SHCBP1L: variants seen among roughly 807,000 people sequenced by gnomAD.
SHCBP1L encodes the protein testicular spindle-associated protein SHCBP1L.
SHCBP1L carries 67 observed loss-of-function variants against 62.5 expected under a neutral mutation model. The observed-to-expected ratio is 1.07, with a 90% CI of 0.88 to 1.31. SHCBP1L has a LOEUF of 1.31. SHCBP1L is among the 40% of genes most tolerant of loss of function. SHCBP1L has a pLI of 0.00. For missense variants in SHCBP1L, 823 were observed against 809.8 expected, an observed-to-expected ratio of 1.02 and a Z score of -0.20; for synonymous variants, 284 against 289.4, an observed-to-expected ratio of 0.98 and a Z score of 0.19.
At chr1:182,905,015 G>A (rs562517031) in intron 7 of SHCBP1L, among the ~76,000 whole-genome samples, 1 of 152,296 alleles carries the variant, frequency 6.6e-6, no homozygotes, top group South Asian at 2.1e-4. Flanking sequence ...CCAAAGTGCT[G>A]GGATTACAGG....
rs201105717 is a variant in SHCBP1L, at chr1:182,939,545, T to A, written c.779A>T (p.Tyr260Phe). The change falls in exon 4 of 10, where the codon TAT becomes TTT. Residue 260 changes from tyrosine (Y) to phenylalanine (F), a missense_variant. By Grantham distance (22) the Tyr-to-Phe change is conservative. Coordinates refer to ENST00000367547, the MANE Select transcript of SHCBP1L (RefSeq NM_030933.4). Reference protein sequence around the residue: ...ALALEVVRFFYDFLWRDWDDE... With the variant: ...ALALEVVRFFFDFLWRDWDDE... ...ATCCCAGTCTCTCCAAAGAAAGTCA[T>A]AAAAAAACCTACGATAAACCAAATT... 3.1e-6 allele frequency: 5 copies of A among 1,599,728 alleles called. No individual in the cohort carries two copies. The highest frequency in any genetic ancestry group is 3.4e-6 in the Non-Finnish European group (4 of 1,174,442).
Position 182,953,023 on chromosome 1 carries a change from C to G in SHCBP1L, c.111G>C (p.Ala37=), listed in dbSNP as rs1369952927. 6.5e-6 allele frequency: 10 copies of G among 1,541,864 alleles called. No individual in the cohort carries two copies. In the Admixed American group the frequency reaches 1.9e-4, roughly 30 times the overall value. The change falls in exon 1 of 10, where the codon GCG becomes GCC. Residue 37 remains alanine (A), a synonymous_variant. Transcript: ENST00000367547. ...ASAVSGDTAA[A]TTLKGTAIPV... ...GGATCGCGGTGCCCTTCAGGGTGGT[C>G]GCGGCCGCCGTGTCCCCGGAGACAG...
At chr1:182,902,795 G>GA (rs988682257) in intron 9 of SHCBP1L, among the ~76,000 whole-genome samples, 4 of 152,076 alleles carry the variant, frequency 2.6e-5, no homozygotes, top group African/African-American at 9.7e-5. Flanking sequence ...GTCTTTAAGA[G>GA]AAAAATCTAT....
At chr1:182,933,388 G>A (rs752514050) in intron 5 of SHCBP1L, among the ~76,000 whole-genome samples, 24 of 152,140 alleles carry the variant, frequency 1.6e-4, no homozygotes, top group Admixed American at 5.9e-4. Flanking sequence ...AAAGTGGCAA[G>A]AGTAAATATC....
chr1:182,943,353 C>T (rs1651435340), intron 2 of SHCBP1L, among the ~76,000 whole-genome samples: 1 of 150,162 alleles, frequency 6.7e-6, no homozygotes, highest in Non-Finnish European at 1.5e-5. Context: ...AACTCCTGGC[C>T]TCCAGTGATC....
At chr1:182,916,860 A>G (rs1443321799) in intron 6 of SHCBP1L, among the ~76,000 whole-genome samples, 2 of 152,226 alleles carry the variant, frequency 1.3e-5, no homozygotes, top group African/African-American at 4.8e-5. Flanking sequence ...GAATGCAAAG[A>G]GGAAAACAAC....
chr1:182,924,785 AAAGAG>A (rs1557996863), intron 6 of SHCBP1L, among the ~76,000 whole-genome samples: 2 of 104,906 alleles, frequency 1.9e-5, no homozygotes, highest in African/African-American at 1.2e-4. Context: ...AGAAAGAAAG[AAAGAG>A]AGAAAGAAAG....
chr1:182,939,440 C>T lies in SHCBP1L; in HGVS notation c.857+27G>A, dbSNP rs192182833. On this transcript the variant is annotated intron_variant, in intron 4 of 9. Coordinates refer to ENST00000367547, the MANE Select transcript of SHCBP1L (RefSeq NM_030933.4). ...TACAATGTTTATTTTTTCTAATGTG[C>T]GGTATAAGTTTATAAACTATACTTA... 38 of 1,603,450 alleles carry T rather than the reference C, an allele frequency of 2.4e-5. 1 individual carries two copies. Among genetic ancestry groups the T allele is most frequent in the East Asian group, 4.5e-5 (2 of 44,710 alleles).
At chr1:182,912,380 G>A (rs758962732) in intron 6 of SHCBP1L, among the ~76,000 whole-genome samples, 3 of 152,180 alleles carry the variant, frequency 2.0e-5, no homozygotes, top group African/African-American at 4.8e-5. Flanking sequence ...AGAAACCCAA[G>A]AGGACTAGGT....
At chr1:182,952,588 T>C (rs1431768412) in intron 1 of SHCBP1L, 141 bp downstream of exon 1, 10 of 976,586 alleles carry the variant, frequency 1.0e-5, no homozygotes, top group Non-Finnish European at 1.3e-5. Flanking sequence ...TCTATACATG[T>C]TGACTCCATT....
chr1:182,929,176 T>G (rs554055652), intron 6 of SHCBP1L, among the ~76,000 whole-genome samples: 250 of 152,332 alleles, frequency 1.6e-3, no homozygotes, highest in Non-Finnish European at 2.8e-3. Flanking sequence ...AGGATTCAGC[T>G]GAGTTATTTC....
At chr1:182,901,754 A>G (rs1649845055) in intron 9 of SHCBP1L, among the ~76,000 whole-genome samples, 2 of 150,890 alleles carry the variant, frequency 1.3e-5, no homozygotes, top group Admixed American at 6.6e-5. Context: ...GGTGATGCCA[A>G]TGCTGCTGGT....
intron 6 of SHCBP1L, among the ~76,000 whole-genome samples, chr1:182,918,133 T>TATATATATACACATATATATACAC (rs1238036723): frequency 9.9e-5 from 14 of 140,758 alleles, no homozygotes; most frequent in East Asian, 8.4e-4. Flanking sequence ...CGTGTGTGTG[T>TATATATATACACATATATATACAC]ATATATATAC....
chr1:182,936,742 G>T (rs1571354035), intron 5 of SHCBP1L, among the ~76,000 whole-genome samples: 1 of 151,730 alleles, frequency 6.6e-6, no homozygotes, highest in South Asian at 2.1e-4. Flanking sequence ...CTATCTTTTA[G>T]ATCAATCAAC....
chr1:182,916,460 T>A (rs1259535092), intron 6 of SHCBP1L, among the ~76,000 whole-genome samples: 1 of 152,074 alleles, frequency 6.6e-6, no homozygotes, highest in African/African-American at 2.4e-5. Flanking sequence ...AAAGTTTAGC[T>A]AGACTAAGAG....
chr1:182,903,035 A>G lies in SHCBP1L; in HGVS notation c.1710+4T>C, dbSNP rs905199853. The stretch of plus-strand genomic sequence containing the variant: ...CAATGCTACATCAAGAAATAAGAGA[A>G]TACCTTCATATTAACTCCACCTAAG... On this transcript the variant is annotated splice_donor_region_variant and intron_variant, in intron 9 of 9. Coordinates refer to ENST00000367547, the MANE Select transcript of SHCBP1L (RefSeq NM_030933.4). The G allele has an allele frequency of 6.4e-7, 1 of 1,571,992 alleles. No individual in the cohort carries two copies. The highest frequency in any genetic ancestry group is 1.9e-5 in the Admixed American group (1 of 53,260).
intron 6 of SHCBP1L, among the ~76,000 whole-genome samples, chr1:182,922,889 A>G (rs1412571727): frequency 6.6e-6 from 1 of 152,192 alleles, no homozygotes; most frequent in Non-Finnish European, 1.5e-5. Flanking sequence ...AAGAAGAAAA[A>G]TAACCAAAAT....
intron 9 of SHCBP1L, among the ~76,000 whole-genome samples, chr1:182,901,052 G>C (rs1649818038): frequency 1.3e-5 from 2 of 152,132 alleles, no homozygotes. Context: ...GAGAAAATAA[G>C]GTAATGTGAT....
At chr1:182,940,566 TAA>T (rs1254475754) in intron 2 of SHCBP1L, 23 bp from the exon 3 acceptor site, 4 of 1,591,898 alleles carry the variant, frequency 2.5e-6, no homozygotes, top group African/African-American at 2.7e-5. Context: ...TCATAAGAGA[TAA>T]GAGATATAGT....
Sources: allele counts gnomAD v4.1 joint callset (sites outside exome capture counted in the v4.1 genomes callset), GRCh38; gene constraint gnomAD v4.1.1; transcripts MANE v1.5; gene names NCBI Gene and HGNC (gene_info 2026-07-23, HGNC 2026-07-21).